Variants in STIM1 observed in about 807,000 individuals in gnomAD.
STIM1 encodes stromal interaction molecule 1.
STIM1 carries 25 observed loss-of-function variants against 74.7 expected under a neutral mutation model. The ratio of observed to expected loss-of-function variants is 0.33; its 90% CI spans 0.24 to 0.47. The LOEUF (loss-of-function observed/expected upper bound fraction) is 0.47, where lower values mean the gene tolerates loss of function less well. Among genes scored for constraint, STIM1 ranks in the 20% least tolerant of loss-of-function variants. STIM1 has a pLI of 1.00. For synonymous variants in STIM1, 328 were observed against 348.8 expected (o/e 0.94, Z 0.66); for missense variants, 728 against 920.8 (o/e 0.79, Z 2.71).
intron 1 of STIM1, among the ~76,000 whole-genome samples, chr11:3,900,193 G>C (rs991405846): frequency 6.6e-6 from 1 of 152,178 alleles, no homozygotes; most frequent in Non-Finnish European, 1.5e-5. Context: ...TCAGACTGCT[G>C]TGCTAGCAAT....
At position 3,915,520 on chromosome 11, in the gene STIM1, C is replaced by T. The variant is rs573735687; in HGVS notation, c.140-52032C>T. On this transcript the variant is annotated intron_variant, in intron 1 of 12. Coordinates refer to ENST00000526596, the MANE Select transcript of STIM1 (RefSeq NM_001382567.1). ...TCACGCCATTCTCCTGCCTCAGACT[C>T]CCGAGTAGCTGGGACTACAGGCGCC... Among the ~76,000 whole-genome samples the T allele has an allele frequency of 1.3e-4, 19 of 151,908 alleles. No homozygotes were observed. In the East Asian group the frequency reaches 3.7e-3, roughly 30 times the overall value.
intron 1 of STIM1, among the ~76,000 whole-genome samples, chr11:3,942,379 T>C (rs1169755450): frequency 6.6e-6 from 1 of 152,196 alleles, no homozygotes; most frequent in Admixed American, 6.5e-5. Context: ...TCAGCTTCCT[T>C]GTAAACTTGT....
At chr11:4,079,984 A>C (rs921414439) in intron 7 of STIM1, among the ~76,000 whole-genome samples, 1 of 152,060 alleles carries the variant, frequency 6.6e-6, no homozygotes, top group Non-Finnish European at 1.5e-5. Flanking sequence ...TTGGGAGGCA[A>C]AGGGCAGGCA....
At chr11:3,939,143 A>G (rs2092973660) in intron 1 of STIM1, among the ~76,000 whole-genome samples, 1 of 152,240 alleles carries the variant, frequency 6.6e-6, no homozygotes, top group East Asian at 1.9e-4. Context: ...AATTGAGACT[A>G]GATAGACTAG....
intron 1 of STIM1, among the ~76,000 whole-genome samples, chr11:3,891,477 G>T (rs950678232): frequency 1.3e-5 from 2 of 151,970 alleles, no homozygotes; most frequent in East Asian, 1.9e-4. Flanking sequence ...TGGAGACAGG[G>T]TTTCAACATG....
intron 3 of STIM1, among the ~76,000 whole-genome samples, chr11:4,049,827 T>G (rs1448504407): frequency 6.6e-6 from 1 of 151,924 alleles, no homozygotes; most frequent in East Asian, 1.9e-4. Flanking sequence ...TCCCAGTTCC[T>G]AGCTGGGTAA....
chr11:3,924,055 T>A (rs369718505), intron 1 of STIM1, among the ~76,000 whole-genome samples: 6 of 152,040 alleles, frequency 3.9e-5, no homozygotes, highest in African/African-American at 1.4e-4. Flanking sequence ...TTGCCCAGGC[T>A]GGTCTTGAAC....
At chr11:4,054,439 C>T (rs1270281798) in intron 3 of STIM1, among the ~76,000 whole-genome samples, 6 of 152,104 alleles carry the variant, frequency 3.9e-5, no homozygotes, top group South Asian at 2.1e-4. Flanking sequence ...GTCCATGGCC[C>T]GTTAGGGACT....
At chr11:3,923,811 A>C (rs913412908) in intron 1 of STIM1, among the ~76,000 whole-genome samples, 1 of 152,042 alleles carries the variant, frequency 6.6e-6, no homozygotes, top group Non-Finnish European at 1.5e-5. Flanking sequence ...GTTGTTCTTC[A>C]GCAGTGCTTG....
intron 1 of STIM1, among the ~76,000 whole-genome samples, chr11:3,928,603 G>A (rs1418744594): frequency 6.6e-6 from 1 of 152,076 alleles, no homozygotes; most frequent in East Asian, 1.9e-4. Context: ...ATGTGTGTGT[G>A]TGTGCGCGTG....
chr11:4,091,502 C>CAGTAATTA lies in STIM1; in HGVS notation c.1856_1857insGTAATTAA (p.His619GlnfsTer2). 2 of 1,614,194 alleles carry CAGTAATTA rather than the reference C, an allele frequency of 1.2e-6. No individual in the cohort carries two copies. The highest frequency in any genetic ancestry group is 1.7e-6 in the Non-Finnish European group (2 of 1,180,030). On this transcript the variant is annotated stop_gained and frameshift_variant, in exon 13 of 13. Coordinates refer to ENST00000526596, the MANE Select transcript of STIM1 (RefSeq NM_001382567.1). LOFTEE classifies it high-confidence loss of function. ...CAAGAAGGCATTACTGGCGCTGAAC[C>CAGTAATTA]ATGGGCTGGACAAGGCCCACAGCCT...
chr11:3,948,104 C>T (rs1484918833), intron 1 of STIM1, among the ~76,000 whole-genome samples: 1 of 152,146 alleles, frequency 6.6e-6, no homozygotes, highest in Non-Finnish European at 1.5e-5. Context: ...GTCCGTTGGC[C>T]AGTGTAGGCT....
intron 3 of STIM1, among the ~76,000 whole-genome samples, chr11:4,029,808 T>A (rs2094032909): frequency 6.6e-6 from 1 of 152,234 alleles, no homozygotes; most frequent in South Asian, 2.1e-4. Flanking sequence ...CAGGTCACGT[T>A]TATTTCATTG....
At chr11:3,953,264 G>A (rs1347653970) in intron 1 of STIM1, among the ~76,000 whole-genome samples, 1 of 152,124 alleles carries the variant, frequency 6.6e-6, no homozygotes, top group Admixed American at 6.6e-5. Flanking sequence ...GAGGTTTTTG[G>A]CTAGTTTGTT....
At chr11:4,082,372 G>A (rs1247298726) in intron 8 of STIM1, 21 bp downstream of exon 8, 4 of 1,596,180 alleles carry the variant, frequency 2.5e-6, no homozygotes, top group Non-Finnish European at 3.4e-6. Context: ...CCCTTCTATT[G>A]TCCTCTTTTC....
At chr11:4,002,362 A>C (rs1382701318) in intron 2 of STIM1, among the ~76,000 whole-genome samples, 2 of 152,246 alleles carry the variant, frequency 1.3e-5, no homozygotes, top group Non-Finnish European at 2.9e-5. Flanking sequence ...GCAAATGTAA[A>C]AGATCAGACA....
At chr11:3,948,609 A>G (rs1469252524) in intron 1 of STIM1, among the ~76,000 whole-genome samples, 2 of 152,274 alleles carry the variant, frequency 1.3e-5, no homozygotes, top group East Asian at 3.8e-4. Context: ...GAGCCAGTTT[A>G]GAAGACATGT....
chr11:3,861,064 G>C (rs2090578137), intron 1 of STIM1, among the ~76,000 whole-genome samples: 1 of 152,086 alleles, frequency 6.6e-6, no homozygotes, highest in Non-Finnish European at 1.5e-5. Context: ...GAACAGGAGA[G>C]AGTAGTCTGA....
chr11:3,920,128 AT>A (rs34962527), intron 1 of STIM1, among the ~76,000 whole-genome samples: 126,551 of 149,154 alleles, frequency 0.85, 54,306 homozygotes, highest in East Asian at 0.95. Context: ...GAAGTGTACA[AT>A]TTTTTTTTTT....
Sources: gnomAD v4.1 joint callset for allele counts (sites outside exome capture counted in the v4.1 genomes callset) on GRCh38, gnomAD v4.1.1 for gene constraint, MANE v1.5 for transcripts, NCBI Gene and HGNC (gene_info 2026-07-23, HGNC 2026-07-21) for gene names.